The following RSBN1 variants were observed in gnomAD, a reference collection of about 807,000 sequenced individuals.
RSBN1 encodes the protein round spermatid basic protein 1, also known as lysine-specific demethylase 9.
Under a neutral mutation model 74.8 loss-of-function variants are expected in RSBN1, and 23 were observed. The ratio of observed to expected loss-of-function variants is 0.31; its 90% CI spans 0.22 to 0.44. The LOEUF (loss-of-function observed/expected upper bound fraction) is 0.44, where lower values mean the gene tolerates loss of function less well. Among genes scored for constraint, RSBN1 ranks in the 20% least tolerant of loss-of-function variants. The pLI is 1.00. For synonymous variants in RSBN1, 407 were observed against 379.6 expected (o/e 1.07, Z -0.84); for missense variants, 808 against 1,020.9 (o/e 0.79, Z 2.84).
intron 2 of RSBN1, among the ~76,000 whole-genome samples, chr1:113,787,472 AG>A (rs1471457471): frequency 6.6e-6 from 1 of 152,230 alleles, no homozygotes; most frequent in Non-Finnish European, 1.5e-5. Context: ...AAAACAAAAA[AG>A]GTGGGTTTAA....
chr1:113,807,207 G>A lies in RSBN1; in HGVS notation c.703+4503C>T, dbSNP rs143324913. Among the ~76,000 whole-genome samples, 1,485 of 151,738 alleles carry A rather than the reference G, an allele frequency of 9.8e-3. 25 individuals are homozygous for A. Among genetic ancestry groups the A allele is most frequent in the African/African-American group, 0.034 (1,394 of 41,320 alleles). On this transcript the variant is annotated intron_variant, in intron 1 of 6. Transcript: ENST00000261441. ...CAGATGCCTGTAATCACAGCTACTC[G>A]GGAGGCTGACATAGGAGAATCGCCT...
At chr1:113,808,691 G>A (rs1355562184) in intron 1 of RSBN1, among the ~76,000 whole-genome samples, 2 of 152,168 alleles carry the variant, frequency 1.3e-5, no homozygotes, top group African/African-American at 4.8e-5. Context: ...ACATCACACT[G>A]AGTGAAAAAG....
chr1:113,778,817 T>C (rs939576709), intron 2 of RSBN1, among the ~76,000 whole-genome samples: 4 of 152,210 alleles, frequency 2.6e-5, no homozygotes, highest in South Asian at 2.1e-4. Context: ...ATGAGCAACA[T>C]ATATTTTCTC....
At chr1:113,781,603 T>G (rs1660141906) in intron 2 of RSBN1, among the ~76,000 whole-genome samples, 1 of 152,180 alleles carries the variant, frequency 6.6e-6, no homozygotes, top group Non-Finnish European at 1.5e-5. Flanking sequence ...GATCTTAACA[T>G]ACAAATGCCT....
At chr1:113,794,806 T>G (rs1196698279) in intron 2 of RSBN1, among the ~76,000 whole-genome samples, 1 of 152,176 alleles carries the variant, frequency 6.6e-6, no homozygotes, top group Non-Finnish European at 1.5e-5. Flanking sequence ...CCCACTAGAC[T>G]GAGCTCATCA....
chr1:113,797,305 G>A, intron 2 of RSBN1, 58 bp downstream of exon 2: 1 of 1,344,408 alleles, frequency 7.4e-7, no homozygotes, highest in Non-Finnish European at 1.0e-6. Context: ...GCGACAGAAA[G>A]AGGTTAATTC....
rs116046617 is a variant in RSBN1 at position 113,811,874 on chromosome 1, G to A, written c.539C>T (p.Ala180Val). 4.0e-5 allele frequency: 64 copies of A among 1,613,200 alleles called. No homozygotes were observed. In the African/African-American group the frequency reaches 8.1e-4, roughly 21 times the overall value. Residue 180 changes from alanine (A) to valine (V), a missense_variant, in exon 1 of 7, where the codon GCG becomes GTG. Ala to Val is a moderately conservative substitution (Grantham distance 64). This residue lies in a region of RSBN1 where 464 missense variants were observed against 401.0 expected (regional missense o/e 1.16). Coordinates refer to ENST00000261441, the MANE Select transcript of RSBN1 (RefSeq NM_018364.5). ...GTGGCCCTTATGCTTGGGCCCGGCCGCGCTCACCGTCAGAGGCGAGAAGGT... is the reference window on the plus strand; with the variant it reads ...GTGGCCCTTATGCTTGGGCCCGGCCACGCTCACCGTCAGAGGCGAGAAGGT... ...LFTFSPLTVS[A>V]AGPKHKGHKE...
At chr1:113,802,263 C>T (rs1183712638) in intron 1 of RSBN1, among the ~76,000 whole-genome samples, 1 of 149,662 alleles carries the variant, frequency 6.7e-6, no homozygotes, top group African/African-American at 2.5e-5. Flanking sequence ...GCCTACAAAA[C>T]TTAAGGTCTT....
In RSBN1 at chr1:113,812,417, G is replaced by A; in HGVS notation, c.-5C>T. On this transcript the variant is annotated 5_prime_UTR_variant, in exon 1 of 7. Transcript: ENST00000261441. ...TCTTCGTCCAGAGATGAACATGCCG[G>A]AAGCGGCCGTTCCCAGCTTTTCTCC... 2 of 1,588,018 alleles carry A rather than the reference G, an allele frequency of 1.3e-6. No homozygotes were observed. Among genetic ancestry groups the A allele is most frequent in the Non-Finnish European group, 1.7e-6 (2 of 1,173,408 alleles).
At chr1:113,788,425 T>C (rs1207594459) in intron 2 of RSBN1, among the ~76,000 whole-genome samples, 2 of 152,168 alleles carry the variant, frequency 1.3e-5, no homozygotes. Context: ...TTATTCTTTA[T>C]ATCTGCGTCT....
intron 2 of RSBN1, among the ~76,000 whole-genome samples, chr1:113,780,058 T>C (rs1444269224): frequency 6.6e-6 from 1 of 151,630 alleles, no homozygotes; most frequent in African/African-American, 2.4e-5. Context: ...CCCAAACACC[T>C]CTCCCAACTA....
chr1:113,786,868 T>C lies in RSBN1; in HGVS notation c.1378-9060A>G, dbSNP rs573728045. On this transcript the variant is annotated intron_variant, in intron 2 of 6. Transcript: ENST00000261441. ...GAGTGCCTGTAGTCTATTTCTAAAT[T>C]TTCTATCTTGCTGAACAGAGCTCAT... is the stretch of plus-strand genomic sequence containing the variant. 8.5e-5 allele frequency among the ~76,000 whole-genome samples: 13 copies of C among 152,116 alleles called. No homozygotes were observed. The South Asian group carries it at 2.7e-3, about 31-fold the overall frequency.
intron 4 of RSBN1, among the ~76,000 whole-genome samples, 154 bp downstream of exon 4, chr1:113,777,056 G>A (rs1660047358): frequency 6.6e-6 from 1 of 152,072 alleles, no homozygotes; most frequent in Admixed American, 6.5e-5. Context: ...GCCTCACTGT[G>A]ATAACTGTGA....
rs66958734 is a variant in RSBN1 at position 113,799,565 on chromosome 1, T to TACACAC, written c.704-1535_704-1530dup. ...AAGTCTGTCTGATCTATAGATGCTTTACACACACACACACACACACACACA... is the reference window on the plus strand; with the variant it reads ...AAGTCTGTCTGATCTATAGATGCTTTACACACACACACACACACACACACACACACA... On this transcript the variant is annotated intron_variant, in intron 1 of 6. Coordinates refer to ENST00000261441, the MANE Select transcript of RSBN1 (RefSeq NM_018364.5). Among the ~76,000 whole-genome samples, 1,261 of 142,058 alleles carry TACACAC rather than the reference T, an allele frequency of 8.9e-3. 7 individuals carry two copies. Among genetic ancestry groups the TACACAC allele is most frequent in the East Asian group, 0.027 (123 of 4,608 alleles). The allele number at this position is 142,058 out of a possible 152,430, so 93.2% of individuals were successfully genotyped here. A position where few individuals can be genotyped will look rare whatever the true frequency, so the allele number is the denominator to read the frequency against.
chr1:113,788,287 A>G (rs1660299429), intron 2 of RSBN1, among the ~76,000 whole-genome samples: 1 of 152,104 alleles, frequency 6.6e-6, no homozygotes. Context: ...GATAACTGAG[A>G]AAGAAAATTA....
In RSBN1 at chr1:113,766,253, T is replaced by C. The variant is rs767577413; in HGVS notation, c.2136A>G (p.Gln712=). The part of the protein sequence containing the change: ...KQYHPVVEAT[Q]NTESNSNMDC... The stretch of plus-strand genomic sequence containing the variant: ...CCATGTTAGAATTGCTTTCTGTGTT[T>C]TGAGTGGCTTCCACAACAGGGTGGT... Residue 712 remains glutamine (Q), a synonymous_variant, in exon 7 of 7, where the codon CAA becomes CAG. Coordinates refer to ENST00000261441, the MANE Select transcript of RSBN1 (RefSeq NM_018364.5). The C allele has an allele frequency of 3.7e-6, 6 of 1,614,034 alleles. No individual in the cohort carries two copies. In the Admixed American group the frequency reaches 6.7e-5, roughly 18 times the overall value.
At position 113,812,048 on chromosome 1, in the gene RSBN1, G is replaced by A; in HGVS notation, c.365C>T (p.Pro122Leu). ...TGCATTCGTTGGCGGCAGCGGCCCA[G>A]GATGTTGGCGGCTGCGACGCCGCCG... ...PHRRRRSRQH[P>L]GPLPPTNAAP... Residue 122 changes from proline to leucine, a missense_variant, in exon 1 of 7, where the codon CCT (proline) becomes CTT (leucine). By Grantham distance (98) the Pro-to-Leu change is moderately conservative. Transcript: ENST00000261441. The A allele has an allele frequency of 6.5e-7, 1 of 1,545,316 alleles. No individual in the cohort carries two copies. Among genetic ancestry groups the A allele is most frequent in the Non-Finnish European group, 8.7e-7 (1 of 1,148,090 alleles).
intron 2 of RSBN1, among the ~76,000 whole-genome samples, chr1:113,792,338 A>G (rs1660383310): frequency 1.3e-5 from 2 of 152,172 alleles, no homozygotes; most frequent in African/African-American, 4.8e-5. Flanking sequence ...TTGCGCTTGC[A>G]ATTTATGTAC....
rs997659262 is a variant in RSBN1 at position 113,812,049 on chromosome 1, G to A, written c.364C>T (p.Pro122Ser). 4 of 1,546,450 alleles carry A rather than the reference G, an allele frequency of 2.6e-6. No individual in the cohort carries two copies. In the East Asian group the frequency reaches 7.0e-5, roughly 27 times the overall value. ...GCATTCGTTGGCGGCAGCGGCCCAG[G>A]ATGTTGGCGGCTGCGACGCCGCCGG... ...PHRRRRSRQH[P>S]GPLPPTNAAP... The change falls in exon 1 of 7, where the codon CCT (proline) becomes TCT (serine). Residue 122 changes from proline to serine, a missense_variant. Transcript: ENST00000261441.
Sources: allele counts gnomAD v4.1 joint callset (sites outside exome capture counted in the v4.1 genomes callset), GRCh38; gene constraint gnomAD v4.1.1; regional missense constraint gnomAD v4.1.1; transcripts MANE v1.5; gene names NCBI Gene and HGNC (gene_info 2026-07-23, HGNC 2026-07-21).